The following REEP6 variants were observed in gnomAD, a reference collection of about 807,000 sequenced individuals.
The protein encoded by REEP6 is receptor accessory protein 6.
A neutral mutation model predicts 22.4 loss-of-function variants in REEP6; 19 were observed. The observed-to-expected ratio is 0.85, with a 90% confidence interval of 0.59 to 1.25. REEP6 has a LOEUF of 1.25. Among genes scored for constraint, REEP6 ranks in the 50% most tolerant of loss-of-function variants. The pLI is 0.00. For missense variants in REEP6, 273 were observed against 251.9 expected (o/e 1.08, Z -0.57); for synonymous variants, 121 against 113.6 (o/e 1.06, Z -0.41).
rs546858733 is a variant in REEP6 at position 1,491,519 on chromosome 19, A to G, written c.115+135A>G. The G allele has an allele frequency of 0.011, 5,419 of 515,580 alleles. 48 individuals are homozygous for G. The highest frequency in any genetic ancestry group is 0.014 in the Non-Finnish European group (4,537 of 317,340). 31.9% of individuals were successfully genotyped at this position (515,580 alleles called of 1,614,324 possible). On this transcript the variant is annotated intron_variant, in intron 1 of 4. Transcript: ENST00000233596. The surrounding 1 kb of genome is among the most constrained non-coding windows in gnomAD (Gnocchi z 5.4). Reference sequence around the variant, plus strand: ...AGCGCGCGAGGTGACTGGGACCTCGAGGTCCGCCCGCAGCCCTTCCCTTGC... The same window carrying G: ...AGCGCGCGAGGTGACTGGGACCTCGGGGTCCGCCCGCAGCCCTTCCCTTGC...
rs983057922 is a variant in REEP6 at position 1,495,594 on chromosome 19, A to G, written c.335A>G (p.Tyr112Cys). Residue 112 changes from tyrosine to cysteine, a missense_variant, in exon 3 of 5, where the codon TAC becomes TGC. Physicochemically the swap from Tyr to Cys is radical, Grantham distance 194. Transcript: ENST00000233596. ...SDLLLSWFPF[Y>C]YVGKCAFLLF... ...CTACTCCTGTCCTGGTTCCCTTTCTACTACGTGGGCAAGGTGGGCCCTGCC... is the reference window on the plus strand; with the variant it reads ...CTACTCCTGTCCTGGTTCCCTTTCTGCTACGTGGGCAAGGTGGGCCCTGCC... 2.5e-6 allele frequency: 4 copies of G among 1,613,994 alleles called. No homozygotes were observed. The highest frequency in any genetic ancestry group is 3.4e-6 in the Non-Finnish European group (4 of 1,179,982).
Position 1,497,260 on chromosome 19 carries a change from C to T in REEP6, c.*49C>T. On this transcript the variant is annotated 3_prime_UTR_variant, in exon 5 of 5. Coordinates refer to ENST00000233596, the MANE Select transcript of REEP6 (RefSeq NM_138393.4). The surrounding 1 kb of genome is among the most constrained non-coding windows in gnomAD (Gnocchi z 6.5). ...GACCTCCTGGCTGGTGAGGAGGGGGCCGCGCCAGGCTCCCAGGCCTCCACA... is the reference window on the plus strand; with the variant it reads ...GACCTCCTGGCTGGTGAGGAGGGGGTCGCGCCAGGCTCCCAGGCCTCCACA... 3 of 1,484,314 alleles carry T rather than the reference C, an allele frequency of 2.0e-6. No individual in the cohort carries two copies. The highest frequency in any genetic ancestry group is 2.8e-6 in the Non-Finnish European group (3 of 1,089,978). The allele number at this position is 1,484,314 out of a possible 1,614,324, so 91.9% of individuals were successfully genotyped here.
chr19:1,491,187 C>CG lies in REEP6; in HGVS notation c.-80dup, dbSNP rs1414862333. The CG allele has an allele frequency of 5.0e-6, 5 of 1,000,692 alleles. No homozygotes were observed. The highest frequency in any genetic ancestry group is 6.9e-6 in the Non-Finnish European group (5 of 729,812). 62.0% of individuals were successfully genotyped at this position (1,000,692 alleles called of 1,614,324 possible). On this transcript the variant is annotated 5_prime_UTR_variant, in exon 1 of 5. Transcript: ENST00000233596. This position sits in a 1 kb window ranked among gnomAD's most constrained non-coding sequence, Gnocchi z 5.4. ...GGCCGGAGCATCGCGGCTCAGGCTGCGGGAAAGCGGTGCGCGTGCAGCGGG... is the reference window on the plus strand; with the variant it reads ...GGCCGGAGCATCGCGGCTCAGGCTGCGGGGAAAGCGGTGCGCGTGCAGCGGG...
At chr19:1,494,253 C>T (rs565093587) in intron 1 of REEP6, among the ~76,000 whole-genome samples, 18 of 152,250 alleles carry the variant, frequency 1.2e-4, no homozygotes, top group African/African-American at 4.1e-4. Context: ...TCTCCTCCAC[C>T]CAGGGGATCG....
chr19:1,496,657 C>T (rs760648134), intron 4 of REEP6: 1 of 746,218 alleles, frequency 1.3e-6, no homozygotes, highest in Non-Finnish European at 2.4e-6. Flanking sequence ...CCCTCCACTC[C>T]CCTGGAAGCT....
chr19:1,491,973 G>A lies in REEP6; in HGVS notation c.115+589G>A, dbSNP rs1452443372. On this transcript the variant is annotated intron_variant, in intron 1 of 4. Transcript: ENST00000233596. The surrounding 1 kb of genome is among the most constrained non-coding windows in gnomAD (Gnocchi z 5.4). ...GGGAGGCTGGACTGGGGCCCACAGA[G>A]CCGGAGATCCAGGCACCCCGATTGT... Among the ~76,000 whole-genome samples the A allele has an allele frequency of 1.3e-5, 2 of 152,216 alleles. No individual in the cohort carries two copies. The highest frequency in any genetic ancestry group is 1.3e-4 in the Admixed American group (2 of 15,276).
chr19:1,496,723 C>T lies in REEP6; in HGVS notation c.517+270C>T, dbSNP rs530647836. The T allele has an allele frequency of 2.5e-3, 1,635 of 650,584 alleles. 23 individuals are homozygous for T. The African/African-American group carries it at 0.029, about 11-fold the overall frequency. 40.3% of individuals were successfully genotyped at this position (650,584 alleles called of 1,614,324 possible). A position where few individuals can be genotyped will look rare whatever the true frequency, so the allele number is the denominator to read the frequency against. On this transcript the variant is annotated intron_variant, in intron 4 of 4. Transcript: ENST00000233596. Reference sequence around the variant, plus strand: ...AGCTGTGTGTGTGTGTGTGTGCGCGCGCGCGCGCGTGTGTTTGAGCGTATG... The same window carrying T: ...AGCTGTGTGTGTGTGTGTGTGCGCGTGCGCGCGCGTGTGTTTGAGCGTATG...
intron 3 of REEP6, chr19:1,495,920 A>T: frequency 1.8e-6 from 1 of 542,850 alleles, no homozygotes; most frequent in Non-Finnish European, 3.3e-6. Flanking sequence ...AGCCTGCTCA[A>T]ATAGGATGTC....
Position 1,491,452 on chromosome 19 carries a change from C to A in REEP6, c.115+68C>A. 8.9e-7 allele frequency: 1 copy of A among 1,124,492 alleles called. No individual in the cohort carries two copies. The highest frequency in any genetic ancestry group is 1.2e-6 in the Non-Finnish European group (1 of 846,568). The allele number at this position is 1,124,492 out of a possible 1,614,324, so 69.7% of individuals were successfully genotyped here. A position where few individuals can be genotyped will look rare whatever the true frequency, so the allele number is the denominator to read the frequency against. ...AGGCCATGGGCCTGGGGGTCGCAGA[C>A]CGGACTCCTTCCCCGGCTACGGGGT... On this transcript the variant is annotated intron_variant, in intron 1 of 4. Transcript: ENST00000233596. This position sits in a 1 kb window ranked among gnomAD's most constrained non-coding sequence, Gnocchi z 5.4.
At chr19:1,496,151 A>T in intron 3 of REEP6, 134 bp from the exon 4 acceptor site, 1 of 1,117,544 alleles carries the variant, frequency 8.9e-7, no homozygotes, top group Non-Finnish European at 1.2e-6. Context: ...TGGCGGGCCC[A>T]CCCTAAAGGG....
chr19:1,494,724 A>G (rs889404254), intron 1 of REEP6, among the ~76,000 whole-genome samples: 2 of 151,386 alleles, frequency 1.3e-5, no homozygotes, highest in African/African-American at 4.9e-5. Flanking sequence ...ACGGAGCCTC[A>G]CCCAGGCTGG....
chr19:1,494,381 T>C (rs989059572), intron 1 of REEP6, among the ~76,000 whole-genome samples: 4 of 151,930 alleles, frequency 2.6e-5, no homozygotes, highest in Non-Finnish European at 5.9e-5. Flanking sequence ...CGTCATGACT[T>C]GGGGGCTGAT....
chr19:1,493,151 T>C (rs1393790908), intron 1 of REEP6, among the ~76,000 whole-genome samples: 2 of 152,000 alleles, frequency 1.3e-5, no homozygotes, highest in East Asian at 1.9e-4. Flanking sequence ...ACAGTTCTGA[T>C]GTCCAAGGTC....
intron 1 of REEP6, 37 bp from the exon 2 acceptor site, chr19:1,495,257 T>G: frequency 6.3e-7 from 1 of 1,598,684 alleles, no homozygotes. Context: ...GCTCAGCGGG[T>G]CCCCAGCCCT....
chr19:1,492,076 G>A (rs1322542566), intron 1 of REEP6, among the ~76,000 whole-genome samples: 3 of 152,180 alleles, frequency 2.0e-5, no homozygotes, highest in Non-Finnish European at 4.4e-5. Context: ...TCTCTAGCAA[G>A]AGCATGTAGT....
rs1259392624 is a variant in REEP6 at position 1,497,757 on chromosome 19, G to C, written c.*546G>C. 1 of 470,722 alleles carries C rather than the reference G, an allele frequency of 2.1e-6. No homozygotes were observed. Among genetic ancestry groups the C allele is most frequent in the Non-Finnish European group, 4.4e-6 (1 of 227,116 alleles). The allele number at this position is 470,722 out of a possible 1,614,324, so 29.2% of individuals were successfully genotyped here. A position where few individuals can be genotyped will look rare whatever the true frequency, so the allele number is the denominator to read the frequency against. On this transcript the variant is annotated 3_prime_UTR_variant, in exon 5 of 5. Transcript: ENST00000233596. The surrounding 1 kb of genome is among the most constrained non-coding windows in gnomAD (Gnocchi z 6.5). ...GAAACAGCCTGCCAGCAGCGCCTCAGTGCCCGAGCTGGTCCCCTGCCATTC... is the reference window on the plus strand; with the variant it reads ...GAAACAGCCTGCCAGCAGCGCCTCACTGCCCGAGCTGGTCCCCTGCCATTC...
intron 2 of REEP6, 22 bp downstream of exon 2, chr19:1,495,409 C>T: frequency 1.2e-6 from 2 of 1,613,818 alleles, no homozygotes; most frequent in Non-Finnish European, 1.7e-6. Flanking sequence ...GCTGGCTGCC[C>T]ACGCGGGGGG....
Position 1,497,537 on chromosome 19 carries a change from T to G in REEP6, c.*326T>G. Reference sequence around the variant, plus strand: ...GGCAACACACCCAGCCGCCTGGTACTTCCTCCAGCCCCTCCCAGTCAGCCC... The same window carrying G: ...GGCAACACACCCAGCCGCCTGGTACGTCCTCCAGCCCCTCCCAGTCAGCCC... On this transcript the variant is annotated 3_prime_UTR_variant, in exon 5 of 5. Coordinates refer to ENST00000233596, the MANE Select transcript of REEP6 (RefSeq NM_138393.4). The surrounding 1 kb of genome is among the most constrained non-coding windows in gnomAD (Gnocchi z 6.5). The G allele has an allele frequency of 1.6e-6, 1 of 625,042 alleles. No homozygotes were observed. The allele number at this position is 625,042 out of a possible 1,614,324, so 38.7% of individuals were successfully genotyped here.
At chr19:1,494,323 C>G (rs1003661195) in intron 1 of REEP6, among the ~76,000 whole-genome samples, 5 of 152,110 alleles carry the variant, frequency 3.3e-5, no homozygotes, top group Non-Finnish European at 7.4e-5. Context: ...GCCCTGCCCC[C>G]CACCCCGCCC....
Sources: allele counts gnomAD v4.1 joint callset (sites outside exome capture counted in the v4.1 genomes callset), GRCh38; gene constraint gnomAD v4.1.1; non-coding constraint Gnocchi (gnomAD v3.1); transcripts MANE v1.5; gene names NCBI Gene and HGNC (gene_info 2026-07-23, HGNC 2026-07-21).